The following ARAP2 variants were observed in gnomAD, a reference collection of about 807,000 sequenced individuals.
The protein encoded by ARAP2 is ArfGAP with RhoGAP domain, ankyrin repeat and PH domain 2.
In ARAP2, 148 loss-of-function variants were observed where a neutral mutation model predicts 194.5. The ratio of observed to expected loss-of-function variants is 0.76; its 90% confidence interval spans 0.67 to 0.87. The LOEUF (loss-of-function observed/expected upper bound fraction) is 0.87, where lower values mean the gene tolerates loss of function less well. Ranked by LOEUF, ARAP2 falls within the 40% of genes least tolerant of loss-of-function variation. The probability of loss-of-function intolerance (pLI) is 0.00; values close to 1 mark genes in which losing one functional copy is unlikely to be tolerated. For missense variants in ARAP2, 2,128 were observed against 1,989.7 expected (o/e 1.07, Z -1.32); for synonymous variants, 695 against 683.5 (o/e 1.02, Z -0.26).
chr4:36,068,630 G>A (rs1726082632), intron 32 of ARAP2, among the ~76,000 whole-genome samples: 1 of 152,150 alleles, frequency 6.6e-6, no homozygotes, highest in Non-Finnish European at 1.5e-5. Context: ...GATGGGCAGT[G>A]GCAATGAGCT....
chr4:36,109,516 T>G (rs1261476265), intron 26 of ARAP2, among the ~76,000 whole-genome samples: 2 of 151,944 alleles, frequency 1.3e-5, no homozygotes, highest in African/African-American at 4.8e-5. Context: ...AGATAAAATC[T>G]TTTGTGCTAT....
At chr4:36,064,200 T>C (rs1212175630), downstream of ARAP2, among the ~76,000 whole-genome samples, 2 of 73,650 alleles carry the variant, frequency 2.7e-5, no homozygotes, top group Non-Finnish European at 5.0e-5. Flanking sequence ...TTTTGTTTTT[T>C]TCTTTCTTTT....
intron 15 of ARAP2, among the ~76,000 whole-genome samples, chr4:36,152,828 C>T (rs1731322760): frequency 6.6e-6 from 1 of 152,138 alleles, no homozygotes; most frequent in Non-Finnish European, 1.5e-5. Context: ...GGTGAAACTG[C>T]AAAAACCCTA....
At chr4:36,219,737 A>G (rs1748746044) in intron 2 of ARAP2, among the ~76,000 whole-genome samples, 2 of 152,200 alleles carry the variant, frequency 1.3e-5, no homozygotes, top group Admixed American at 1.3e-4. Context: ...TATACATAAA[A>G]TATTGGATAA....
At chr4:36,178,921 G>A (rs1299995347) in intron 8 of ARAP2, among the ~76,000 whole-genome samples, 1 of 152,112 alleles carries the variant, frequency 6.6e-6, no homozygotes, top group African/African-American at 2.4e-5. Context: ...AGACTAAACT[G>A]GAATTTGGAA....
chr4:36,089,311 T>C (rs1250785948), intron 28 of ARAP2, among the ~76,000 whole-genome samples: 1 of 152,296 alleles, frequency 6.6e-6, no homozygotes, highest in Non-Finnish European at 1.5e-5. Flanking sequence ...TTCATTTTTG[T>C]TGCTGAGTAG....
At chr4:36,007,665 A>G (rs1713575087) in intron 9 of ARAP2, among the ~76,000 whole-genome samples, 1 of 152,228 alleles carries the variant, frequency 6.6e-6, no homozygotes, top group African/African-American at 2.4e-5. Flanking sequence ...TTCAGTGGCT[A>G]TCTACATAGA....
At chr4:36,224,221 A>C (rs1350086498) in intron 2 of ARAP2, among the ~76,000 whole-genome samples, 1 of 74,576 alleles carries the variant, frequency 1.3e-5, no homozygotes, top group East Asian at 1.2e-3. Flanking sequence ...TGTTAAAAAT[A>C]AATAAATAAA....
Position 36,210,528 on chromosome 4 carries a change from C to T in ARAP2, c.1349G>A (p.Ser450Asn), listed in dbSNP as rs770358960. 26 of 1,613,806 alleles carry T rather than the reference C, an allele frequency of 1.6e-5. No individual in the cohort carries two copies. The highest frequency in any genetic ancestry group is 2.1e-5 in the Non-Finnish European group (25 of 1,179,874). Reference protein sequence around the residue: ...ALILDSVNRHSYPLSSTSGNA... With the variant: ...ALILDSVNRHNYPLSSTSGNA... Reference sequence around the variant, plus strand: ...TCCACTTGTTGAGCTTAACGGATAACTGTGCCTATTAACGGAGTCCAAAAT... The same window carrying T: ...TCCACTTGTTGAGCTTAACGGATAATTGTGCCTATTAACGGAGTCCAAAAT... Residue 450 changes from serine (S) to asparagine (N), a missense_variant, in exon 6 of 33, where the codon AGT becomes AAT. Ser to Asn is a conservative substitution (Grantham distance 46). Coordinates refer to ENST00000303965, the MANE Select transcript of ARAP2 (RefSeq NM_015230.4).
chr4:36,088,999 A>C (rs1712747610), intron 28 of ARAP2, among the ~76,000 whole-genome samples: 1 of 152,102 alleles, frequency 6.6e-6, no homozygotes, highest in African/African-American at 2.4e-5. Flanking sequence ...CATTTAAAGT[A>C]ATTGCCTTGG....
intron 2 of ARAP2, among the ~76,000 whole-genome samples, chr4:36,216,445 A>G (rs1011094648): frequency 1.3e-5 from 2 of 152,200 alleles, no homozygotes; most frequent in Non-Finnish European, 2.9e-5. Context: ...ACAAACAAAT[A>G]TATAAATAAA....
At chr4:36,186,944 A>C (rs1740694704) in intron 8 of ARAP2, among the ~76,000 whole-genome samples, 1 of 152,230 alleles carries the variant, frequency 6.6e-6, no homozygotes, top group South Asian at 2.1e-4. Flanking sequence ...TAAAACACAC[A>C]ATAAATGTAA....
intron 27 of ARAP2, among the ~76,000 whole-genome samples, chr4:36,096,415 C>T (rs1715336180): frequency 6.7e-6 from 1 of 149,834 alleles, no homozygotes; most frequent in African/African-American, 2.5e-5. Flanking sequence ...ACCCAACAAC[C>T]CTTAATCTGT....
rs1055452252 is a variant in ARAP2, at chr4:36,066,145, G to T, written c.*1762C>A. 1.3e-5 allele frequency: 2 copies of T among 152,148 alleles called. No homozygotes were observed. Among genetic ancestry groups the T allele is most frequent in the Admixed American group, 6.5e-5 (1 of 15,278 alleles). The allele number at this position is 152,148 out of a possible 1,614,324, so 9.4% of individuals were successfully genotyped here. On this transcript the variant is annotated 3_prime_UTR_variant, in exon 33 of 33. Transcript: ENST00000303965. ...ATTAGAGTTTAAGCTCAAGTTTCAA[G>T]AAGAATTCAGATAAGGCAGGTAAAA... is the stretch of plus-strand genomic sequence containing the variant.
At chr4:36,191,044 G>A (rs750356846) in intron 7 of ARAP2, among the ~76,000 whole-genome samples, 1 of 152,148 alleles carries the variant, frequency 6.6e-6, no homozygotes, top group Non-Finnish European at 1.5e-5. Context: ...GCATCTTTGG[G>A]GACAGTGTAA....
At chr4:36,243,673 T>C (rs1754022270) in intron 1 of ARAP2, 1 of 152,190 alleles carries the variant, frequency 6.6e-6, no homozygotes, top group South Asian at 2.1e-4. Context: ...ACAAGAAAGA[T>C]CAATCTGGTA....
At chr4:36,225,944 T>A (rs1051295981) in intron 2 of ARAP2, among the ~76,000 whole-genome samples, 1 of 152,160 alleles carries the variant, frequency 6.6e-6, no homozygotes, top group African/African-American at 2.4e-5. Flanking sequence ...ACCCACAGTT[T>A]GATTTAAAAA....
At chr4:36,071,685 T>A (rs1726947885) in intron 32 of ARAP2, among the ~76,000 whole-genome samples, 1 of 28,144 alleles carries the variant, frequency 3.6e-5, no homozygotes, top group Non-Finnish European at 1.2e-4. Context: ...TTTTTGAGTT[T>A]TTTTTTAATT....
chr4:36,147,509 A>G (rs1729925269), intron 18 of ARAP2, 39 bp downstream of exon 18: 1 of 1,588,256 alleles, frequency 6.3e-7, no homozygotes. Flanking sequence ...TGCAATAAAG[A>G]AAAGTGTTCC....
Sources: gnomAD v4.1 joint callset for allele counts (sites outside exome capture counted in the v4.1 genomes callset) on GRCh38, gnomAD v4.1.1 for gene constraint, MANE v1.5 for transcripts, NCBI Gene and HGNC (gene_info 2026-07-23, HGNC 2026-07-21) for gene names.